CSMD1: variants seen among roughly 807,000 people sequenced by gnomAD.
CSMD1 encodes the protein CUB and Sushi multiple domains 1.
In CSMD1, 213 loss-of-function variants were observed where a neutral mutation model predicts 417.5. The ratio of observed to expected loss-of-function variants is 0.51; its 90% CI spans 0.46 to 0.57. The LOEUF (loss-of-function observed/expected upper bound fraction) is 0.57, where lower values mean the gene tolerates loss of function less well. CSMD1 is among the 20% of genes least tolerant of loss of function. The probability of loss-of-function intolerance (pLI) is 0.00; values close to 1 mark genes in which losing one functional copy is unlikely to be tolerated. For missense variants in CSMD1, 6,923 were observed against 4,529.7 expected (o/e 1.53, Z -15.17); for synonymous variants, 2,862 against 1,736.8 (o/e 1.65, Z -16.11).
chr8:4,617,416 A>C (rs1010439582), intron 2 of CSMD1, among the ~76,000 whole-genome samples: 1 of 152,148 alleles, frequency 6.6e-6, no homozygotes, highest in Non-Finnish European at 1.5e-5. Context: ...CCATATTTTA[A>C]ATATGCAAGG....
chr8:4,841,423 A>G (rs1294063413), intron 1 of CSMD1, among the ~76,000 whole-genome samples: 1 of 152,206 alleles, frequency 6.6e-6, no homozygotes, highest in South Asian at 2.1e-4. Context: ...TAAAAATATA[A>G]CAAATCCCTA....
chr8:4,113,082 G>C lies in CSMD1; in HGVS notation c.416-80983C>G, dbSNP rs116600660. Among the ~76,000 whole-genome samples the C allele has an allele frequency of 2.7e-3, 408 of 152,276 alleles. 4 individuals are homozygous for C. The highest frequency in any genetic ancestry group is 9.4e-3 in the African/African-American group (390 of 41,552). ...GCCACAAACACCCCCATGTAAGACA[G>C]TGAACTTAAATGATTAATGTGGTGT... On this transcript the variant is annotated intron_variant, in intron 3 of 69. Transcript: ENST00000635120.
At chr8:4,117,289 G>A (rs1434988406) in intron 3 of CSMD1, among the ~76,000 whole-genome samples, 1 of 151,348 alleles carries the variant, frequency 6.6e-6, no homozygotes. Flanking sequence ...AGCAGCATGC[G>A]TGGCTGGCTG....
intron 1 of CSMD1, among the ~76,000 whole-genome samples, chr8:4,909,088 T>C (rs950195218): frequency 2.6e-5 from 4 of 152,194 alleles, no homozygotes; most frequent in Admixed American, 2.0e-4. Flanking sequence ...AGGAGTTGGA[T>C]TATGTTTAAT....
intron 60 of CSMD1, 61 bp downstream of exon 60, chr8:2,963,161 T>C: frequency 6.4e-7 from 1 of 1,570,552 alleles, no homozygotes; most frequent in Non-Finnish European, 8.7e-7. Context: ...GGATGTGCCC[T>C]GGTTATCCGT....
intron 5 of CSMD1, among the ~76,000 whole-genome samples, chr8:3,800,856 T>C (rs1468257064): frequency 6.6e-6 from 1 of 152,050 alleles, no homozygotes; most frequent in African/African-American, 2.4e-5. Context: ...ACAAAAGCCC[T>C]CACCAGAGAC....
chr8:3,028,754 T>C (rs1485740273), intron 51 of CSMD1, among the ~76,000 whole-genome samples: 1 of 152,216 alleles, frequency 6.6e-6, no homozygotes, highest in African/African-American at 2.4e-5. Context: ...TGCATGATAA[T>C]TTTCTGTGAA....
rs200799805 is a variant in CSMD1, at chr8:4,637,525, T to C, written c.119A>G (p.Asn40Ser). 4.8e-5 allele frequency: 78 copies of C among 1,613,676 alleles called. 1 individual carries two copies. Among genetic ancestry groups the C allele is most frequent in the Middle Eastern group, 3.3e-4 (2 of 6,084 alleles). Residue 40 changes from asparagine to serine, a missense_variant, in exon 2 of 70, where the codon AAT (asparagine) becomes AGT (serine). By Grantham distance (46) the Asn-to-Ser change is conservative (BLOSUM62 1). Transcript: ENST00000635120. ...AAACCCTGGGCTCTCAATAGTGCCATTGGGACCCTGGACTAAGCCTCCACA... is the reference window on the plus strand; with the variant it reads ...AAACCCTGGGCTCTCAATAGTGCCACTGGGACCCTGGACTAAGCCTCCACA... Reference protein sequence around the residue: ...QNCGGLVQGPNGTIESPGFPH... With the variant: ...QNCGGLVQGPSGTIESPGFPH...
intron 2 of CSMD1, among the ~76,000 whole-genome samples, chr8:4,558,283 T>C (rs989353158): frequency 7.2e-5 from 11 of 152,172 alleles, no homozygotes; most frequent in Non-Finnish European, 1.6e-4. Flanking sequence ...ACACAGAATA[T>C]ACACTTTTGG....
chr8:4,504,183 T>C (rs772563744), intron 2 of CSMD1, among the ~76,000 whole-genome samples: 1 of 152,104 alleles, frequency 6.6e-6, no homozygotes, highest in Non-Finnish European at 1.5e-5. Context: ...AGCAACAATA[T>C]GGATGAACCT....
intron 2 of CSMD1, among the ~76,000 whole-genome samples, chr8:4,442,743 TTA>T (rs34352780): frequency 0.011 from 1,600 of 152,316 alleles, 20 homozygotes; most frequent in African/African-American, 0.036. Context: ...AGTCACTATT[TTA>T]TGTTTGCATA....
At position 3,237,599 on chromosome 8, in the gene CSMD1, A is replaced by T. The variant is rs1318696852; in HGVS notation, c.4154-7368T>A. ...ATTTTTATACTTATACTATAAATAT[A>T]ATTTTATACTTATACTATAAATATA... On this transcript the variant is annotated intron_variant, in intron 26 of 69. Coordinates refer to ENST00000635120, the MANE Select transcript of CSMD1 (RefSeq NM_033225.6). Among the ~76,000 whole-genome samples, 7 of 145,116 alleles carry T rather than the reference A, an allele frequency of 4.8e-5. No homozygotes were observed. In the East Asian group the frequency reaches 1.2e-3, roughly 24 times the overall value.
chr8:4,452,730 G>C lies in CSMD1; in HGVS notation c.303-32665C>G, dbSNP rs577576101. On this transcript the variant is annotated intron_variant, in intron 2 of 69. Coordinates refer to ENST00000635120, the MANE Select transcript of CSMD1 (RefSeq NM_033225.6). ...TTACATTTAAATCAACACGGACACA[G>C]ACACAGGTTATTCATCTTTCAACAT... Among the ~76,000 whole-genome samples, 17 of 152,158 alleles carry C rather than the reference G, an allele frequency of 1.1e-4. No individual in the cohort carries two copies. The East Asian group carries it at 3.3e-3, about 30-fold the overall frequency.
At chr8:4,433,482 C>T (rs952110083) in intron 2 of CSMD1, among the ~76,000 whole-genome samples, 1 of 152,296 alleles carries the variant, frequency 6.6e-6, no homozygotes, top group Non-Finnish European at 1.5e-5. Context: ...TATCTGCAAG[C>T]GCGGCCAAGT....
rs565985504 is a variant in CSMD1 at position 3,921,375 on chromosome 8, G to A, written c.818+76528C>T. ...AGTATTTTTCATTTTTCTTTAAATT[G>A]TCTTTCTAGCCTCTATTTAATTTAT... On this transcript the variant is annotated intron_variant, in intron 5 of 69. Transcript: ENST00000635120. 8.0e-4 allele frequency among the ~76,000 whole-genome samples: 121 copies of A among 151,548 alleles called. 1 individual carries two copies. Among genetic ancestry groups the A allele is most frequent in the Non-Finnish European group, 1.2e-3 (80 of 67,854 alleles).
intron 1 of CSMD1, among the ~76,000 whole-genome samples, chr8:4,882,424 T>A (rs1803469503): frequency 6.6e-6 from 1 of 151,678 alleles, no homozygotes; most frequent in South Asian, 2.1e-4. Context: ...GGCTTTAGCT[T>A]CAAATTCCGG....
chr8:4,548,279 G>T (rs1335226269), intron 2 of CSMD1, among the ~76,000 whole-genome samples: 1 of 152,068 alleles, frequency 6.6e-6, no homozygotes, highest in Admixed American at 6.6e-5. Context: ...ATCGAAAAAA[G>T]TTCACTTTTT....
intron 3 of CSMD1, among the ~76,000 whole-genome samples, chr8:4,073,032 A>C (rs372560168): frequency 6.6e-6 from 1 of 152,186 alleles, no homozygotes; most frequent in Non-Finnish European, 1.5e-5. Context: ...ATTATCACCT[A>C]TAAGTGTAGC....
chr8:4,834,681 G>C (rs557045073), intron 1 of CSMD1, among the ~76,000 whole-genome samples: 4 of 152,162 alleles, frequency 2.6e-5, no homozygotes, highest in Non-Finnish European at 2.9e-5. Flanking sequence ...AAAAGGCCAG[G>C]TGCGGTGGCT....
Sources: allele counts gnomAD v4.1 joint callset (sites outside exome capture counted in the v4.1 genomes callset), GRCh38; gene constraint gnomAD v4.1.1; transcripts MANE v1.5; gene names NCBI Gene and HGNC (gene_info 2026-07-23, HGNC 2026-07-21).